CMIP: variants seen among roughly 807,000 people sequenced by gnomAD.
CMIP encodes the protein c-Maf inducing protein.
CMIP carries 13 observed loss-of-function variants against 97.3 expected under a neutral mutation model. That is an observed-to-expected ratio of 0.13 (90% CI 0.09 to 0.21). CMIP has a LOEUF of 0.21. CMIP is among the 10% of genes least tolerant of loss of function. The pLI is 1.00. For missense variants in CMIP, 847 were observed against 1,024.9 expected (o/e 0.83, Z 2.37); for synonymous variants, 538 against 436.3 (o/e 1.23, Z -2.91).
chr16:81,445,262 G>C lies in CMIP; in HGVS notation c.21G>C (p.Ser7=). ...CGGCCATGGATGTGACCAGCAGCTCGGGCGGCGGCGGCGACCCCCGGCAGA... is the reference window on the plus strand; with the variant it reads ...CGGCCATGGATGTGACCAGCAGCTCCGGCGGCGGCGGCGACCCCCGGCAGA... The part of the protein sequence containing the change: MDVTSS[S]GGGGDPRQIE... The change falls in exon 1 of 21, where the codon TCG becomes TCC. Residue 7 remains serine, a synonymous_variant. Coordinates refer to ENST00000537098, the MANE Select transcript of CMIP (RefSeq NM_198390.3). 6.5e-7 allele frequency: 1 copy of C among 1,533,774 alleles called. No homozygotes were observed. The highest frequency in any genetic ancestry group is 2.5e-5 in the East Asian group (1 of 40,496).
In CMIP at chr16:81,548,300, A is replaced by G. The variant is rs533105256; in HGVS notation, c.301-59267A>G. ...AGGCACAGGCCACCACTCCTGGCTA[A>G]TTTTTAAAGTTTTTGTAGAGATGGG... On this transcript the variant is annotated intron_variant, in intron 1 of 20. Transcript: ENST00000537098. 3.3e-5 allele frequency among the ~76,000 whole-genome samples: 5 copies of G among 152,072 alleles called. No individual in the cohort carries two copies. The East Asian group carries it at 9.7e-4, about 29-fold the overall frequency.
At chr16:81,600,165 G>T (rs2091633815) in intron 1 of CMIP, among the ~76,000 whole-genome samples, 1 of 150,572 alleles carries the variant, frequency 6.6e-6, no homozygotes. Flanking sequence ...TGTAATCCCA[G>T]CTACTCAGGA....
chr16:81,500,520 C>T (rs2089588970), intron 1 of CMIP, among the ~76,000 whole-genome samples: 1 of 139,230 alleles, frequency 7.2e-6, no homozygotes, highest in Non-Finnish European at 1.5e-5. Context: ...GATGGAGTCT[C>T]ACTCTGTCGC....
At chr16:81,562,280 G>A (rs1170058053) in intron 1 of CMIP, among the ~76,000 whole-genome samples, 1 of 152,202 alleles carries the variant, frequency 6.6e-6, no homozygotes, top group East Asian at 1.9e-4. Flanking sequence ...GCTCCGCAGA[G>A]GTCCATGCCT....
At chr16:81,496,546 A>G (rs899540211) in intron 1 of CMIP, among the ~76,000 whole-genome samples, 7 of 152,234 alleles carry the variant, frequency 4.6e-5, no homozygotes, top group Non-Finnish European at 8.8e-5. Context: ...TCCAGTGATA[A>G]AACCCTTTGA....
At chr16:81,671,519 G>A (rs1280001001) in intron 8 of CMIP, among the ~76,000 whole-genome samples, 1 of 152,182 alleles carries the variant, frequency 6.6e-6, no homozygotes, top group Non-Finnish European at 1.5e-5. Flanking sequence ...TGAGGTGTTA[G>A]GAATAATTAA....
chr16:81,665,791 A>G (rs574771642), intron 7 of CMIP: 1 of 152,322 alleles, frequency 6.6e-6, no homozygotes, highest in African/African-American at 2.4e-5. Context: ...TTCCATGCTC[A>G]TGGCAGACAT....
At chr16:81,657,603 C>T (rs1055123901) in intron 4 of CMIP, among the ~76,000 whole-genome samples, 172 bp from the exon 5 acceptor site, 5 of 152,172 alleles carry the variant, frequency 3.3e-5, no homozygotes, top group Non-Finnish European at 5.9e-5. Context: ...TCCCCCTTCC[C>T]GACCTTGCCC....
chr16:81,567,596 A>G (rs2091005182), intron 1 of CMIP, among the ~76,000 whole-genome samples: 1 of 152,234 alleles, frequency 6.6e-6, no homozygotes. Flanking sequence ...CCAAGAGACC[A>G]CATGGGAAGT....
At chr16:81,452,880 G>GTTTTTTTTTTTTTTTTTTTTTTT (rs1220926915) in intron 1 of CMIP, among the ~76,000 whole-genome samples, 8 of 63,732 alleles carry the variant, frequency 1.3e-4, no homozygotes, top group African/African-American at 5.3e-4. Context: ...TTTTTTTTTT[G>GTTTTTTTTTTTTTTTTTTTTTTT]TTTTGTTTTT....
intron 1 of CMIP, among the ~76,000 whole-genome samples, chr16:81,581,546 A>G (rs1343153410): frequency 6.6e-6 from 1 of 152,236 alleles, no homozygotes; most frequent in Non-Finnish European, 1.5e-5. Context: ...ATGGAACCGC[A>G]GTCATAAATG....
At chr16:81,612,391 C>G (rs867331958) in intron 2 of CMIP, among the ~76,000 whole-genome samples, 1 of 152,046 alleles carries the variant, frequency 6.6e-6, no homozygotes, top group African/African-American at 2.4e-5. Flanking sequence ...CTGCAGGAGG[C>G]GGGGCAACTG....
intron 1 of CMIP, among the ~76,000 whole-genome samples, chr16:81,553,854 C>A (rs1434455724): frequency 6.6e-6 from 1 of 152,266 alleles, no homozygotes; most frequent in African/African-American, 2.4e-5. Flanking sequence ...GGACCACCTT[C>A]AGCTTTGTGT....
chr16:81,688,897 G>C (rs1017216543), intron 10 of CMIP, among the ~76,000 whole-genome samples: 1 of 152,202 alleles, frequency 6.6e-6, no homozygotes, highest in African/African-American at 2.4e-5. Flanking sequence ...CTATGAGTGA[G>C]AACATGCGGT....
At chr16:81,481,066 G>T (rs1201048737) in intron 1 of CMIP, among the ~76,000 whole-genome samples, 1 of 152,232 alleles carries the variant, frequency 6.6e-6, no homozygotes, top group African/African-American at 2.4e-5. Context: ...CTTTGGCCCG[G>T]CTGTCTCCCT....
intron 1 of CMIP, among the ~76,000 whole-genome samples, chr16:81,532,601 T>C (rs1478819703): frequency 1.3e-5 from 2 of 152,142 alleles, no homozygotes; most frequent in Non-Finnish European, 2.9e-5. Flanking sequence ...GGGAGAACCT[T>C]TCCCAGGTCC....
Position 81,707,087 on chromosome 16 carries a change from A to G in CMIP, c.2268+3A>G. ...CTGACACCTACGAAGATCTGAAGGT[A>G]ATTCCCTCCTTCCTCCCCACTCTCC... On this transcript the variant is annotated splice_donor_region_variant and intron_variant, in intron 20 of 20. Coordinates refer to ENST00000537098, the MANE Select transcript of CMIP (RefSeq NM_198390.3). 6.2e-7 allele frequency: 1 copy of G among 1,612,788 alleles called. No individual in the cohort carries two copies. The highest frequency in any genetic ancestry group is 1.1e-5 in the South Asian group (1 of 91,058).
chr16:81,671,469 A>C (rs1485379553), intron 8 of CMIP, among the ~76,000 whole-genome samples: 1 of 152,254 alleles, frequency 6.6e-6, no homozygotes, highest in Non-Finnish European at 1.5e-5. Context: ...AATGACCCTC[A>C]TCATTTTTCT....
intron 1 of CMIP, among the ~76,000 whole-genome samples, chr16:81,482,451 G>A (rs2089240862): frequency 6.6e-6 from 1 of 152,152 alleles, no homozygotes; most frequent in Non-Finnish European, 1.5e-5. Flanking sequence ...GTACCTGGAG[G>A]AGGAGCTCCT....
Sources: allele counts gnomAD v4.1 joint callset (sites outside exome capture counted in the v4.1 genomes callset), GRCh38; gene constraint gnomAD v4.1.1; transcripts MANE v1.5; gene names NCBI Gene and HGNC (gene_info 2026-07-23, HGNC 2026-07-21).